The following SPATA13 variants were observed in gnomAD, a reference collection of about 807,000 sequenced individuals.
SPATA13 encodes spermatogenesis-associated protein 13.
In SPATA13, 50 loss-of-function variants were observed where a neutral mutation model predicts 104.0. The observed-to-expected ratio is 0.48, with a 90% confidence interval of 0.38 to 0.61. The LOEUF (loss-of-function observed/expected upper bound fraction) is 0.61, where lower values mean the gene tolerates loss of function less well. SPATA13 is among the 20% of genes least tolerant of loss of function. The pLI is 0.00. For missense variants in SPATA13, 1,524 were observed against 1,690.6 expected (o/e 0.90, Z 1.73); for synonymous variants, 606 against 667.5 (o/e 0.91, Z 1.42).
In SPATA13 at chr13:24,305,427, G is replaced by A. The variant is rs1020037078; in HGVS notation, c.*2654G>A. On this transcript the variant is annotated 3_prime_UTR_variant, in exon 13 of 13. Transcript: ENST00000382108. ...TGAAAACTGCTAACATTTTTAAAAG[G>A]CTAGAACATCCTTTGACTTCTTGAA... The A allele has an allele frequency of 3.3e-5, 5 of 152,190 alleles. No individual in the cohort carries two copies. The highest frequency in any genetic ancestry group is 9.7e-5 in the African/African-American group (4 of 41,436). 9.4% of individuals were successfully genotyped at this position (152,190 alleles called of 1,614,324 possible). A position where few individuals can be genotyped will look rare whatever the true frequency, so the allele number is the denominator to read the frequency against.
chr13:24,155,915 T>C (rs1411626916), upstream of SPATA13, among the ~76,000 whole-genome samples: 3 of 152,318 alleles, frequency 2.0e-5, no homozygotes, highest in East Asian at 1.9e-4. Flanking sequence ...AGATACCTCA[T>C]ATAAGTGAAA....
chr13:24,020,372 C>CT (rs1876923033), intron 3 of SPATA13, among the ~76,000 whole-genome samples: 1 of 152,074 alleles, frequency 6.6e-6, no homozygotes, highest in African/African-American at 2.4e-5. Flanking sequence ...TTTATGAAAA[C>CT]TTTTTTGTTT....
At position 24,042,606 on chromosome 13, in the gene SPATA13, C is replaced by T. The variant is rs568289541; in HGVS notation, c.-112+24905C>T. On this transcript the variant is annotated intron_variant, in intron 3 of 14. Transcript: ENST00000424834. ...GAACTCACTTCTCAGAGCACTGGCT[C>T]ATGGGCGGTCAGCTGGTGTATTCAT... 8.5e-5 allele frequency among the ~76,000 whole-genome samples: 13 copies of T among 152,364 alleles called. 1 individual carries two copies. Among genetic ancestry groups the T allele is most frequent in the African/African-American group, 2.4e-4 (10 of 41,588 alleles).
chr13:24,293,944 G>A (rs1206866255), intron 9 of SPATA13, among the ~76,000 whole-genome samples: 2 of 152,320 alleles, frequency 1.3e-5, no homozygotes, highest in African/African-American at 4.8e-5. Context: ...TGTCTGTGCT[G>A]TAAGTTGCCA....
intron 2 of SPATA13, among the ~76,000 whole-genome samples, chr13:23,986,557 C>T (rs1875155681): frequency 6.6e-6 from 1 of 152,166 alleles, no homozygotes; most frequent in Non-Finnish European, 1.5e-5. Context: ...CCAGGAGTCC[C>T]CTAGTGTCTC....
chr13:24,247,587 C>G (rs117952939), intron 2 of SPATA13, among the ~76,000 whole-genome samples: 1,934 of 145,594 alleles, frequency 0.013, 55 homozygotes, highest in East Asian at 0.11. Flanking sequence ...TCAAGTGACT[C>G]TCCTGCCGCC....
chr13:24,111,817 G>T (rs1880649569), intron 3 of SPATA13, among the ~76,000 whole-genome samples: 2 of 152,294 alleles, frequency 1.3e-5, no homozygotes, highest in Non-Finnish European at 2.9e-5. Flanking sequence ...TAGATTGTTA[G>T]AATTTCTTTG....
At chr13:24,162,236 C>T (rs1324576260) in intron 1 of SPATA13, among the ~76,000 whole-genome samples, 5 of 152,242 alleles carry the variant, frequency 3.3e-5, no homozygotes, top group Non-Finnish European at 7.3e-5. Flanking sequence ...TGCTCCCGTG[C>T]ATATGCAGGT....
At chr13:24,265,157 G>T (rs1316799912) in intron 4 of SPATA13, among the ~76,000 whole-genome samples, 2 of 152,190 alleles carry the variant, frequency 1.3e-5, no homozygotes, top group African/African-American at 4.8e-5. Flanking sequence ...AGCTGTGTAT[G>T]ATGGGGCCCG....
At chr13:24,232,402 T>C (rs1418983763) in intron 2 of SPATA13, among the ~76,000 whole-genome samples, 1 of 152,254 alleles carries the variant, frequency 6.6e-6, no homozygotes, top group African/African-American at 2.4e-5. Flanking sequence ...GCCAGTCTTT[T>C]CTGGAAACAC....
intron 3 of SPATA13, among the ~76,000 whole-genome samples, chr13:24,050,775 C>A (rs1428290102): frequency 6.6e-6 from 1 of 152,206 alleles, no homozygotes; most frequent in Non-Finnish European, 1.5e-5. Flanking sequence ...CCCGCGCTGG[C>A]AGGACTTTAT....
chr13:23,981,871 A>G (rs1190490187), intron 1 of SPATA13, among the ~76,000 whole-genome samples: 2 of 152,204 alleles, frequency 1.3e-5, no homozygotes, highest in East Asian at 1.9e-4. Context: ...CTTAAAAACA[A>G]TAACTGTGAT....
chr13:24,223,661 C>T lies in SPATA13; in HGVS notation c.732C>T (p.Asn244=), dbSNP rs373035664. 1 of 1,552,052 alleles carries T rather than the reference C, an allele frequency of 6.4e-7. No individual in the cohort carries two copies. The highest frequency in any genetic ancestry group is 8.7e-7 in the Non-Finnish European group (1 of 1,147,112). ...VCEILVRDPE[N]NSMGYRRSKS... is the part of the protein sequence containing the mutation. The stretch of plus-strand genomic sequence containing the variant: ...AGATTCTCGTGAGGGACCCTGAAAA[C>T]AACAGCATGGGCTACAGGAGGAGCA... The change falls in exon 2 of 13, where the codon AAC becomes AAT. Residue 244 remains asparagine, a synonymous_variant. Coordinates refer to ENST00000382108, the MANE Select transcript of SPATA13 (RefSeq NM_001166271.3).
chr13:24,151,798 A>G (rs1257366020), intron 3 of SPATA13, among the ~76,000 whole-genome samples: 1 of 152,252 alleles, frequency 6.6e-6, no homozygotes, highest in Admixed American at 6.5e-5. Flanking sequence ...TGCTTAGAAC[A>G]GAACCTGGCA....
chr13:24,017,629 A>G (rs1876778815), intron 2 of SPATA13: 1 of 983,228 alleles, frequency 1.0e-6, no homozygotes, highest in East Asian at 1.1e-4. Context: ...GTTTTCACAC[A>G]TCTGTGCACT....
upstream of SPATA13, among the ~76,000 whole-genome samples, chr13:24,158,518 C>T (rs192440954): frequency 1.1e-3 from 163 of 152,246 alleles, no homozygotes; most frequent in African/African-American, 3.7e-3. Flanking sequence ...CTGGTTAGAG[C>T]CAGGTTGGAC....
chr13:24,186,121 T>C (rs1242222008), intron 1 of SPATA13, among the ~76,000 whole-genome samples: 1 of 152,112 alleles, frequency 6.6e-6, no homozygotes. Context: ...TTTGGCCAAA[T>C]AACTGGGCAT....
At chr13:24,254,488 G>A (rs1873680594) in intron 4 of SPATA13, 1 of 152,434 alleles carries the variant, frequency 6.6e-6, no homozygotes, top group African/African-American at 2.4e-5. Flanking sequence ...GTTGTTATTG[G>A]GTGTGATGGG....
intron 4 of SPATA13, chr13:24,271,027 TCTCTCTCTCTCTCA>T: frequency 7.0e-6 from 5 of 715,606 alleles, no homozygotes; most frequent in Admixed American, 6.2e-5. Context: ...TCTCACTCTC[TCTCTCTCTCTCTCA>T]CTCTCTCTCT....
Sources: allele counts gnomAD v4.1 joint callset (sites outside exome capture counted in the v4.1 genomes callset), GRCh38; gene constraint gnomAD v4.1.1; transcripts MANE v1.5; gene names NCBI Gene and HGNC (gene_info 2026-07-23, HGNC 2026-07-21).